Variants in CDH23 observed in about 807,000 individuals in gnomAD.
The protein encoded by CDH23 is cadherin-23.
A neutral mutation model predicts 317.1 loss-of-function variants in CDH23; 189 were observed. The observed-to-expected ratio is 0.60, with a 90% CI of 0.53 to 0.67. The LOEUF (loss-of-function observed/expected upper bound fraction) is 0.67. Among genes scored for constraint, CDH23 ranks in the 30% least tolerant of loss-of-function variants. The pLI is 0.00. For synonymous variants in CDH23, 1,839 were observed against 1,876.8 expected (o/e 0.98, Z 0.52); for missense variants, 4,401 against 4,592.4 (o/e 0.96, Z 1.20).
intron 3 of CDH23, among the ~76,000 whole-genome samples, chr10:71,471,738 G>A (rs145300783): frequency 6.0e-4 from 91 of 152,136 alleles, no homozygotes; most frequent in African/African-American, 1.7e-3. Flanking sequence ...CCATTCCTGC[G>A]GCCTGGTACA....
At chr10:71,645,704 G>A (rs998117922) in intron 12 of CDH23, 127 bp from the exon 13 acceptor site, 7 of 1,036,116 alleles carry the variant, frequency 6.8e-6, no homozygotes, top group Non-Finnish European at 7.5e-6. Flanking sequence ...CTGTCCCAGC[G>A]CCTCATCCAT....
At chr10:71,483,730 T>C (rs1391333863) in intron 3 of CDH23, among the ~76,000 whole-genome samples, 1 of 152,178 alleles carries the variant, frequency 6.6e-6, no homozygotes, top group Non-Finnish European at 1.5e-5. Context: ...GTGGATGCAA[T>C]CCTACACCCA....
intron 3 of CDH23, among the ~76,000 whole-genome samples, chr10:71,494,639 G>A (rs1852855626): frequency 6.6e-6 from 1 of 152,200 alleles, no homozygotes. Context: ...TAGTGGCAAG[G>A]CCGGGACTGC....
In CDH23 at chr10:71,793,519, G is replaced by T. The variant is rs376105044; in HGVS notation, c.6591G>T (p.Thr2197=). ...AEPGTVIANI[T]AIDHDLNPKL... ...CAGGCACTGTCATTGCCAATATCAC[G>T]GCCATTGACCACGACCTCAACCCAA... The change falls in exon 48 of 70, where the codon ACG becomes ACT. Residue 2197 remains threonine (T), a synonymous_variant. Coordinates refer to ENST00000224721, the MANE Select transcript of CDH23 (RefSeq NM_022124.6). 38 of 1,613,812 alleles carry T rather than the reference G, an allele frequency of 2.4e-5. No homozygotes were observed. The highest frequency in any genetic ancestry group is 3.1e-5 in the Non-Finnish European group (37 of 1,179,872).
At chr10:71,611,655 G>C (rs539701622) in intron 9 of CDH23, among the ~76,000 whole-genome samples, 102 of 152,300 alleles carry the variant, frequency 6.7e-4, no homozygotes, top group Non-Finnish European at 1.3e-3. Context: ...ACTTGATCAA[G>C]TTCACACAGC....
intron 34 of CDH23, among the ~76,000 whole-genome samples, chr10:71,735,460 C>T: frequency 6.6e-6 from 1 of 152,086 alleles, no homozygotes; most frequent in East Asian, 1.9e-4. Context: ...CCAGGGCCAG[C>T]TACCTGAGAG....
chr10:71,485,741 A>G (rs571888593), intron 3 of CDH23, among the ~76,000 whole-genome samples: 1 of 152,328 alleles, frequency 6.6e-6, no homozygotes, highest in South Asian at 2.1e-4. Context: ...GTTGCCAGGT[A>G]GGCACATCTG....
chr10:71,767,533 G>A lies in CDH23; in HGVS notation c.4846-10147G>A, dbSNP rs530068257. On this transcript the variant is annotated intron_variant, in intron 38 of 69. Transcript: ENST00000224721. ...GAATGGGACCTGGTTCCAGCTCCCC[G>A]CCAGGCCCCATCCCCCAGGATGGTC... Among the ~76,000 whole-genome samples the A allele has an allele frequency of 6.6e-5, 10 of 152,290 alleles. No individual in the cohort carries two copies. The South Asian group carries it at 1.2e-3, about 19-fold the overall frequency.
chr10:71,613,362 G>C (rs576292133), intron 9 of CDH23, among the ~76,000 whole-genome samples: 1 of 152,318 alleles, frequency 6.6e-6, no homozygotes, highest in Admixed American at 6.5e-5. Context: ...AGTCTCCATG[G>C]CTGGGAAAGG....
In CDH23 at chr10:71,751,560, G is replaced by A. The variant is rs1244135849; in HGVS notation, c.4845+9639G>A. Reference sequence around the variant, plus strand: ...TCCCTCACCCTCAACCCCACCCCGTGAGGCCGTGGAACTCTTCAGGGAGGG... The same window carrying A: ...TCCCTCACCCTCAACCCCACCCCGTAAGGCCGTGGAACTCTTCAGGGAGGG... On this transcript the variant is annotated intron_variant, in intron 38 of 69. Transcript: ENST00000224721. This position sits in a 1 kb window ranked among gnomAD's most constrained non-coding sequence, Gnocchi z 4.9. The A allele has an allele frequency of 2.4e-6, 3 of 1,262,366 alleles. No individual in the cohort carries two copies. Among genetic ancestry groups the A allele is most frequent in the East Asian group, 2.6e-5 (1 of 39,138 alleles). The allele number at this position is 1,262,366 out of a possible 1,614,324, so 78.2% of individuals were successfully genotyped here.
chr10:71,655,392 C>T (rs1282167345), intron 14 of CDH23, among the ~76,000 whole-genome samples: 2 of 152,202 alleles, frequency 1.3e-5, no homozygotes, highest in African/African-American at 4.8e-5. Flanking sequence ...TTACTTGCTA[C>T]TCACCTGCCT....
chr10:71,746,658 A>G (rs932381840), intron 38 of CDH23, among the ~76,000 whole-genome samples: 64 of 152,206 alleles, frequency 4.2e-4, no homozygotes, highest in Non-Finnish European at 7.3e-5. Flanking sequence ...CTGGGAGGTC[A>G]GGAGTTAGCC....
chr10:71,790,136 G>T (rs1005271153), intron 45 of CDH23, among the ~76,000 whole-genome samples, 152 bp from the exon 46 acceptor site: 1 of 152,200 alleles, frequency 6.6e-6, no homozygotes, highest in Non-Finnish European at 1.5e-5. Flanking sequence ...CAAGGCTGCC[G>T]CAGGCCCGCC....
rs557257494 is a variant in CDH23 at position 71,702,690 on chromosome 10, A to G, written c.2729A>G (p.Tyr910Cys). The G allele has an allele frequency of 1.3e-5, 21 of 1,613,650 alleles. No individual in the cohort carries two copies. The highest frequency in any genetic ancestry group is 1.7e-5 in the Non-Finnish European group (20 of 1,179,870). The change falls in exon 24 of 70, where the codon TAC becomes TGC. Residue 910 changes from tyrosine (Y) to cysteine (C), a missense_variant. By Grantham distance (194) the Tyr-to-Cys change is radical (BLOSUM62 -2). Coordinates refer to ENST00000224721, the MANE Select transcript of CDH23 (RefSeq NM_022124.6). ...GGCATCCCGGCGGGGGTCTCCATCT[A>G]CCAAGTGAGTCTCTATCATCTCATT... is the stretch of plus-strand genomic sequence containing the variant. ...LEGIPAGVSI[Y>C]QVVAIDLDEG...
At chr10:71,773,503 G>C in intron 38 of CDH23, 2 of 1,497,228 alleles carry the variant, frequency 1.3e-6, no homozygotes, top group South Asian at 2.4e-5. Flanking sequence ...GGCCGGCGCG[G>C]GGAAGCCTCC....
chr10:71,553,803 C>G (rs766990021), intron 6 of CDH23, among the ~76,000 whole-genome samples: 24 of 152,228 alleles, frequency 1.6e-4, no homozygotes, highest in Non-Finnish European at 3.2e-4. Context: ...AGCAATAGAT[C>G]TGGGTACAAA....
chr10:71,797,215 C>G lies in CDH23; in HGVS notation c.6824C>G (p.Pro2275Arg). 1 of 1,607,656 alleles carries G rather than the reference C, an allele frequency of 6.2e-7. No individual in the cohort carries two copies. Among genetic ancestry groups the G allele is most frequent in the East Asian group, 2.2e-5 (1 of 44,826 alleles). ...SDLPERSVSV[P>R]NAKLTVNVLD... is the part of the protein sequence containing the mutation. ...CTACCAGAGCGCTCTGTCAGTGTGC[C>G]AAATGGTAAGGTTCCCTGCAGACAT... is the stretch of plus-strand genomic sequence containing the variant. Residue 2275 changes from proline to arginine, a missense_variant, in exon 49 of 70, where the codon CCA becomes CGA. Pro to Arg is a moderately radical substitution (Grantham distance 103). Around this residue, in one of 3 missense-constraint regions of CDH23, gnomAD observed 3,068 missense variants for 3,203.3 expected, o/e 0.96. Transcript: ENST00000224721.
chr10:71,461,109 C>T (rs1328044297), intron 3 of CDH23, among the ~76,000 whole-genome samples: 1 of 152,246 alleles, frequency 6.6e-6, no homozygotes, highest in African/African-American at 2.4e-5. Flanking sequence ...TCTGTCCACC[C>T]TGGGTGTTTG....
At chr10:71,669,167 G>C (rs938910547) in intron 14 of CDH23, among the ~76,000 whole-genome samples, 1 of 152,182 alleles carries the variant, frequency 6.6e-6, no homozygotes, top group African/African-American at 2.4e-5. Flanking sequence ...GAGGCTGATG[G>C]GGAGGCAGAG....
Sources: gnomAD v4.1 joint callset for allele counts (sites outside exome capture counted in the v4.1 genomes callset) on GRCh38, gnomAD v4.1.1 for gene constraint, gnomAD v4.1.1 regional missense constraint, Gnocchi (gnomAD v3.1) non-coding constraint, MANE v1.5 for transcripts, NCBI Gene and HGNC (gene_info 2026-07-23, HGNC 2026-07-21) for gene names.